PLXNA4: variants seen among roughly 807,000 people sequenced by gnomAD.
PLXNA4 encodes plexin-A4.
In PLXNA4, 44 loss-of-function variants were observed where a neutral mutation model predicts 191.8. That is an observed-to-expected ratio of 0.23 (90% CI 0.18 to 0.29). The LOEUF (loss-of-function observed/expected upper bound fraction) is 0.29. Ranked by LOEUF, PLXNA4 falls within the 10% of genes least tolerant of loss-of-function variation. PLXNA4 has a pLI of 1.00. For synonymous variants in PLXNA4, 1,082 were observed against 1,009.5 expected, an observed-to-expected ratio of 1.07 and a Z score of -1.36; for missense variants, 1,800 against 2,488.8, an observed-to-expected ratio of 0.72 and a Z score of 5.89.
chr7:132,228,165 T>G (rs1798393782), intron 6 of PLXNA4, among the ~76,000 whole-genome samples, 181 bp downstream of exon 6: 1 of 152,158 alleles, frequency 6.6e-6, no homozygotes, highest in Non-Finnish European at 1.5e-5. Flanking sequence ...TGTCCCTGTC[T>G]CCTTCTTGCA....
At chr7:132,195,572 C>T (rs1291399261) in intron 13 of PLXNA4, among the ~76,000 whole-genome samples, 1 of 152,208 alleles carries the variant, frequency 6.6e-6, no homozygotes, top group Non-Finnish European at 1.5e-5. Flanking sequence ...ATTGATGGCC[C>T]ACTCTTTTGC....
At chr7:132,643,738 C>T (rs1262385009) in intron 2 of PLXNA4, among the ~76,000 whole-genome samples, 1 of 152,032 alleles carries the variant, frequency 6.6e-6, no homozygotes, top group Non-Finnish European at 1.5e-5. Context: ...TGTTTGAGGA[C>T]AGGAGTTCAA....
intron 3 of PLXNA4, among the ~76,000 whole-genome samples, chr7:132,446,953 C>T (rs763482107): frequency 1.3e-5 from 2 of 152,172 alleles, no homozygotes; most frequent in Non-Finnish European, 2.9e-5. Flanking sequence ...TCTCCCCACC[C>T]GCCCACATCC....
intron 21 of PLXNA4, among the ~76,000 whole-genome samples, chr7:132,171,150 G>A (rs1273811034): frequency 6.6e-6 from 1 of 152,212 alleles, no homozygotes; most frequent in African/African-American, 2.4e-5. Flanking sequence ...ACTCAGAAGA[G>A]CAGTTCTATG....
At chr7:132,158,934 C>A (rs1364359314) in intron 25 of PLXNA4, among the ~76,000 whole-genome samples, 2 of 152,220 alleles carry the variant, frequency 1.3e-5, no homozygotes, top group Admixed American at 1.3e-4. Context: ...AAATGTCAGA[C>A]TTCTCTCCAG....
intron 3 of PLXNA4, among the ~76,000 whole-genome samples, chr7:132,400,645 C>T (rs1246288227): frequency 2.0e-5 from 3 of 152,278 alleles, no homozygotes; most frequent in Admixed American, 1.3e-4. Flanking sequence ...AAAGAGAAGC[C>T]TCCAGGGGTA....
intron 14 of PLXNA4, among the ~76,000 whole-genome samples, chr7:132,189,030 AAGAGAGAG>A (rs3085197): frequency 0.022 from 1,375 of 61,262 alleles, 71 homozygotes; most frequent in South Asian, 0.033. Flanking sequence ...GAGAGAGAGA[AAGAGAGAG>A]AGAGAGAGAG....
intron 25 of PLXNA4, among the ~76,000 whole-genome samples, chr7:132,151,948 T>C (rs1238691416): frequency 1.3e-5 from 2 of 152,208 alleles, no homozygotes; most frequent in Non-Finnish European, 2.9e-5. Context: ...TTTTACCCTG[T>C]TGGCCAGAAC....
intron 1 of PLXNA4, among the ~76,000 whole-genome samples, chr7:132,518,596 C>A (rs1311479136): frequency 6.6e-6 from 1 of 152,176 alleles, no homozygotes; most frequent in Non-Finnish European, 1.5e-5. Flanking sequence ...AGTCTTGGCG[C>A]CACCAGGCAA....
intron 2 of PLXNA4, among the ~76,000 whole-genome samples, chr7:132,593,058 C>T (rs1277534779): frequency 6.6e-6 from 1 of 152,206 alleles, no homozygotes; most frequent in Non-Finnish European, 1.5e-5. Context: ...TGGCAAGCCT[C>T]TCACAAGATA....
intron 2 of PLXNA4, among the ~76,000 whole-genome samples, chr7:132,608,824 C>T (rs543629509): frequency 6.6e-6 from 1 of 152,198 alleles, no homozygotes; most frequent in African/African-American, 2.4e-5. Flanking sequence ...ACTCCACTGA[C>T]TAAAAACTCT....
intron 28 of PLXNA4, chr7:132,145,626 C>T (rs1038682825): frequency 3.3e-6 from 1 of 304,762 alleles, no homozygotes; most frequent in Non-Finnish European, 6.2e-6. Flanking sequence ...TCAGAGCAGA[C>T]AAACACAATC....
chr7:132,303,144 A>T (rs2116530944), intron 3 of PLXNA4, among the ~76,000 whole-genome samples: 1 of 151,426 alleles, frequency 6.6e-6, no homozygotes, highest in East Asian at 2.0e-4. Flanking sequence ...AAGTGCTGGG[A>T]TTACAGGCGT....
In PLXNA4 at chr7:132,181,528, G is replaced by A. The variant is rs370899424; in HGVS notation, c.3345C>T (p.Pro1115=). Residue 1115 remains proline (P), a synonymous_variant, in exon 18 of 32, where the codon CCC becomes CCT. Coordinates refer to ENST00000321063, the MANE Select transcript of PLXNA4 (RefSeq NM_020911.2). ...PDHQSDLTER[P]EEFGFILDNV... is the part of the protein sequence containing the mutation. ...TGTCCAGGATGAAGCCAAACTCCTC[G>A]GGCCTCTCGGTCAGGTCTGACTGGT... 1.1e-4 allele frequency: 174 copies of A among 1,614,004 alleles called. No individual in the cohort carries two copies. The highest frequency in any genetic ancestry group is 8.7e-4 in the African/African-American group (65 of 74,894).
At chr7:132,528,145 C>T (rs1368855067) in intron 1 of PLXNA4, among the ~76,000 whole-genome samples, 2 of 152,162 alleles carry the variant, frequency 1.3e-5, no homozygotes, top group African/African-American at 4.8e-5. Context: ...GGATGGTCGG[C>T]TCGGAGAACA....
intron 3 of PLXNA4, among the ~76,000 whole-genome samples, chr7:132,317,520 G>A (rs1563031481): frequency 6.6e-6 from 1 of 152,106 alleles, no homozygotes; most frequent in Non-Finnish European, 1.5e-5. Flanking sequence ...GGATTGAATT[G>A]GATTGGGTTG....
chr7:132,376,465 T>C (rs1400502657), intron 3 of PLXNA4, among the ~76,000 whole-genome samples: 2 of 152,200 alleles, frequency 1.3e-5, no homozygotes, highest in Non-Finnish European at 2.9e-5. Flanking sequence ...CTTTAAAGGA[T>C]TGTTTTTTAA....
chr7:132,419,830 G>C (rs1236295533), intron 3 of PLXNA4, among the ~76,000 whole-genome samples: 1 of 152,278 alleles, frequency 6.6e-6, no homozygotes. Context: ...ATAAACAAAT[G>C]AATGTGGCTG....
At chr7:132,166,596 G>A (rs567555440) in intron 22 of PLXNA4, among the ~76,000 whole-genome samples, 1 of 151,888 alleles carries the variant, frequency 6.6e-6, no homozygotes, top group Non-Finnish European at 1.5e-5. Flanking sequence ...ACAAAATGAA[G>A]CTGGTAAGAG....
Sources: gnomAD v4.1 joint callset for allele counts (sites outside exome capture counted in the v4.1 genomes callset) on GRCh38, gnomAD v4.1.1 for gene constraint, MANE v1.5 for transcripts, NCBI Gene and HGNC (gene_info 2026-07-23, HGNC 2026-07-21) for gene names.